KLHL1: variants seen among roughly 807,000 people sequenced by gnomAD.
KLHL1 encodes the protein kelch-like protein 1.
Under a neutral mutation model 77.7 loss-of-function variants are expected in KLHL1, and 47 were observed. The observed-to-expected ratio is 0.60, with a 90% CI of 0.48 to 0.77. KLHL1 has a LOEUF of 0.77. KLHL1 is among the 30% of genes least tolerant of loss of function. The pLI is 0.00. For synonymous variants in KLHL1, 360 were observed against 325.2 expected (o/e 1.11, Z -1.15); for missense variants, 925 against 910.8 (o/e 1.02, Z -0.20).
Position 70,075,604 on chromosome 13 carries a change from T to C in KLHL1, c.497+31599A>G, listed in dbSNP as rs12868283. 5.8e-3 allele frequency among the ~76,000 whole-genome samples: 565 copies of C among 96,622 alleles called. 2 individuals are homozygous for C. The highest frequency in any genetic ancestry group is 0.019 in the African/African-American group (519 of 26,742). The allele number at this position is 96,622 out of a possible 152,430, so 63.4% of individuals were successfully genotyped here. On this transcript the variant is annotated intron_variant, in intron 1 of 10. Coordinates refer to ENST00000377844, the MANE Select transcript of KLHL1 (RefSeq NM_020866.3). ...ATATATATATACACACACACACATA[T>C]ATATAGGACTTACATATATATATGT... is the stretch of plus-strand genomic sequence containing the variant.
At chr13:69,815,464 A>G (rs1211028765) in intron 6 of KLHL1, among the ~76,000 whole-genome samples, 1 of 152,190 alleles carries the variant, frequency 6.6e-6, no homozygotes, top group African/African-American at 2.4e-5. Context: ...CAGAAAACCA[A>G]ATACCACATG....
chr13:69,916,783 G>A (rs1222909521), intron 4 of KLHL1, among the ~76,000 whole-genome samples: 1 of 151,474 alleles, frequency 6.6e-6, no homozygotes. Flanking sequence ...CATAGTAAAT[G>A]GCTATATTTA....
At chr13:69,740,003 A>G (rs1346455751) in intron 8 of KLHL1, among the ~76,000 whole-genome samples, 5 of 152,198 alleles carry the variant, frequency 3.3e-5, no homozygotes, top group Admixed American at 6.5e-5. Context: ...AGCCTCAAAT[A>G]TCAATAGTGT....
intron 7 of KLHL1, 84 bp from the exon 8 acceptor site, chr13:69,740,640 T>A: frequency 1.1e-6 from 1 of 945,622 alleles, no homozygotes; most frequent in Non-Finnish European, 1.5e-6. Context: ...GTAGATCTCA[T>A]GTTAAGTGTC....
chr13:69,895,092 C>T, intron 4 of KLHL1: 2 of 469,420 alleles, frequency 4.3e-6, no homozygotes, highest in Non-Finnish European at 8.4e-6. Context: ...TTGCTTTCTT[C>T]TTCTTGCTTT....
chr13:70,010,683 G>A (rs768588484), intron 1 of KLHL1, among the ~76,000 whole-genome samples: 2 of 151,972 alleles, frequency 1.3e-5, no homozygotes, highest in Non-Finnish European at 2.9e-5. Context: ...CTGAGGTCAG[G>A]AGTTTGAGAC....
intron 6 of KLHL1, among the ~76,000 whole-genome samples, chr13:69,799,349 A>C (rs1877272272): frequency 6.6e-6 from 1 of 152,138 alleles, no homozygotes; most frequent in Non-Finnish European, 1.5e-5. Context: ...TGAAATTAAG[A>C]CTTCCGAGCA....
At chr13:70,060,492 T>C (rs756838935) in intron 1 of KLHL1, among the ~76,000 whole-genome samples, 5 of 151,078 alleles carry the variant, frequency 3.3e-5, no homozygotes, top group Non-Finnish European at 1.5e-5. Flanking sequence ...CTATTTACAA[T>C]AGCCAAAATT....
chr13:70,080,469 A>T (rs1319484771), intron 1 of KLHL1, among the ~76,000 whole-genome samples: 2 of 152,116 alleles, frequency 1.3e-5, no homozygotes, highest in Non-Finnish European at 2.9e-5. Flanking sequence ...TCTTTGCTGG[A>T]TGTTCTGTTT....
At chr13:69,739,683 G>A (rs1221941450) in intron 8 of KLHL1, among the ~76,000 whole-genome samples, 1 of 152,188 alleles carries the variant, frequency 6.6e-6, no homozygotes, top group Non-Finnish European at 1.5e-5. Flanking sequence ...GTTTGCATTT[G>A]TAAAAGGATT....
At chr13:69,906,732 A>G (rs1179033691) in intron 4 of KLHL1, among the ~76,000 whole-genome samples, 1 of 151,938 alleles carries the variant, frequency 6.6e-6, no homozygotes. Context: ...ACTTTTCTAC[A>G]TGATCCTTTC....
chr13:69,707,837 C>A (rs761850963), intron 9 of KLHL1, 41 bp from the exon 10 acceptor site: 1 of 1,476,372 alleles, frequency 6.8e-7, no homozygotes, highest in Admixed American at 2.1e-5. Context: ...ATTCTAATCA[C>A]ATTCAACTTT....
chr13:69,785,455 T>A (rs1320822909), intron 7 of KLHL1, among the ~76,000 whole-genome samples: 1 of 152,186 alleles, frequency 6.6e-6, no homozygotes, highest in South Asian at 2.1e-4. Flanking sequence ...CTTTGAAACC[T>A]ATGAGAACAA....
intron 3 of KLHL1, among the ~76,000 whole-genome samples, chr13:69,950,589 C>T (rs919483247): frequency 4.0e-5 from 6 of 151,512 alleles, no homozygotes; most frequent in African/African-American, 1.5e-4. Flanking sequence ...TAATGATTAA[C>T]TCATGGTCGT....
intron 9 of KLHL1, among the ~76,000 whole-genome samples, chr13:69,710,526 A>G (rs1875825854): frequency 6.6e-6 from 1 of 152,084 alleles, no homozygotes; most frequent in African/African-American, 2.4e-5. Flanking sequence ...ATATTTAGGA[A>G]GAGAAGAGAT....
chr13:69,945,154 T>A (rs148648253), intron 3 of KLHL1, among the ~76,000 whole-genome samples: 1,550 of 151,708 alleles, frequency 0.01, 24 homozygotes, highest in African/African-American at 0.035. Context: ...CCCAGCTAAT[T>A]TTTTGTATGT....
chr13:69,755,949 T>G (rs576734769), intron 7 of KLHL1, among the ~76,000 whole-genome samples: 1 of 152,340 alleles, frequency 6.6e-6, no homozygotes, highest in Admixed American at 6.5e-5. Flanking sequence ...ATTCTCGCTG[T>G]GTGAATCTTG....
At chr13:69,748,355 A>G (rs575661766) in intron 7 of KLHL1, among the ~76,000 whole-genome samples, 13 of 152,174 alleles carry the variant, frequency 8.5e-5, no homozygotes, top group Admixed American at 2.0e-4. Flanking sequence ...CCTCAGAATC[A>G]TGGCAGGAGG....
intron 6 of KLHL1, among the ~76,000 whole-genome samples, chr13:69,801,116 A>G (rs755415466): frequency 1.1e-4 from 16 of 152,316 alleles, no homozygotes; most frequent in Non-Finnish European, 1.8e-4. Flanking sequence ...AAAATTGCAC[A>G]TATATACCCC....
Sources: allele counts gnomAD v4.1 joint callset (sites outside exome capture counted in the v4.1 genomes callset), GRCh38; gene constraint gnomAD v4.1.1; transcripts MANE v1.5; gene names NCBI Gene and HGNC (gene_info 2026-07-23, HGNC 2026-07-21).